ZNF407: variants seen among roughly 807,000 people sequenced by gnomAD.
ZNF407 encodes zinc finger protein 407.
Under a neutral mutation model 131.2 loss-of-function variants are expected in ZNF407, and 17 were observed. The ratio of observed to expected loss-of-function variants is 0.13; its 90% CI spans 0.09 to 0.19. The LOEUF is 0.19. ZNF407 is among the 10% of genes least tolerant of loss of function. The pLI is 1.00. For synonymous variants in ZNF407, 1,156 were observed against 1,062.0 expected (o/e 1.09, Z -1.72); for missense variants, 2,681 against 2,830.6 (o/e 0.95, Z 1.20).
intron 8 of ZNF407, among the ~76,000 whole-genome samples, chr18:75,028,161 G>A (rs960201284): frequency 6.6e-6 from 1 of 152,212 alleles, no homozygotes; most frequent in Non-Finnish European, 1.5e-5. Flanking sequence ...AATTCTTAGG[G>A]CAGGGCCCTG....
At chr18:74,822,451 A>T (rs1443532204) in intron 4 of ZNF407, among the ~76,000 whole-genome samples, 2 of 152,178 alleles carry the variant, frequency 1.3e-5, no homozygotes, top group Non-Finnish European at 2.9e-5. Flanking sequence ...ATAATGTGTA[A>T]GGAAGGGGTC....
intron 4 of ZNF407, among the ~76,000 whole-genome samples, chr18:74,803,577 G>A (rs1361747110): frequency 1.3e-5 from 2 of 152,118 alleles, no homozygotes; most frequent in East Asian, 3.9e-4. Flanking sequence ...ATTTTAAGTT[G>A]ATTTTCTGCA....
At chr18:75,058,643 G>A (rs1185445726) in intron 8 of ZNF407, among the ~76,000 whole-genome samples, 1 of 152,180 alleles carries the variant, frequency 6.6e-6, no homozygotes, top group Non-Finnish European at 1.5e-5. Flanking sequence ...CAGTGACTAA[G>A]CAGTGAAGGA....
intron 8 of ZNF407, among the ~76,000 whole-genome samples, chr18:74,996,241 C>CA (rs1345818694): frequency 6.6e-6 from 1 of 151,634 alleles, no homozygotes; most frequent in East Asian, 1.9e-4. Flanking sequence ...CTTAGTTTTT[C>CA]ACAGCGGTGG....
At chr18:74,909,500 C>T (rs1971640415) in intron 7 of ZNF407, among the ~76,000 whole-genome samples, 4 of 152,004 alleles carry the variant, frequency 2.6e-5, no homozygotes, top group South Asian at 4.1e-4. Flanking sequence ...CAAAACTAAG[C>T]GTATTTCTTT....
intron 4 of ZNF407, among the ~76,000 whole-genome samples, chr18:74,821,612 A>G (rs890668146): frequency 2.6e-5 from 4 of 152,040 alleles, no homozygotes; most frequent in Admixed American, 6.6e-5. Flanking sequence ...ATCATTTTTT[A>G]TGGCTGCATA....
Position 75,064,935 on chromosome 18 carries a change from C to T in ZNF407, c.*467C>T, listed in dbSNP as rs2289609. Reference sequence around the variant, plus strand: ...TCAGCATGTAGCTGCCTTTCCATTTCATTCTCTACTGGGCTAAAAATTGCA... The same window carrying T: ...TCAGCATGTAGCTGCCTTTCCATTTTATTCTCTACTGGGCTAAAAATTGCA... On this transcript the variant is annotated 3_prime_UTR_variant, in exon 9 of 9. Coordinates refer to ENST00000299687, the MANE Select transcript of ZNF407 (RefSeq NM_017757.3). The T allele has an allele frequency of 0.11, 17,536 of 154,282 alleles. 1,057 individuals carry two copies. Among genetic ancestry groups the T allele is most frequent in the South Asian group, 0.18 (859 of 4,834 alleles). 9.6% of individuals were successfully genotyped at this position (154,282 alleles called of 1,614,324 possible). A position where few individuals can be genotyped will look rare whatever the true frequency, so the allele number is the denominator to read the frequency against.
At chr18:74,610,081 G>A (rs1982987974) in intron 1 of ZNF407, among the ~76,000 whole-genome samples, 2 of 152,104 alleles carry the variant, frequency 1.3e-5, no homozygotes. Context: ...AAGCTTCTTG[G>A]AGGCAGGGAA....
chr18:74,921,432 A>G (rs557574053), intron 8 of ZNF407, among the ~76,000 whole-genome samples: 3 of 152,318 alleles, frequency 2.0e-5, no homozygotes, highest in Admixed American at 6.5e-5. Flanking sequence ...TGAGGAGTAA[A>G]TTTAGAGAAG....
At chr18:74,995,086 T>C (rs1285804638) in intron 8 of ZNF407, among the ~76,000 whole-genome samples, 1 of 152,180 alleles carries the variant, frequency 6.6e-6, no homozygotes, top group Non-Finnish European at 1.5e-5. Context: ...TTTGACACCC[T>C]GAAATGACTC....
At chr18:74,732,331 C>T (rs1420300522) in intron 3 of ZNF407, among the ~76,000 whole-genome samples, 14 of 152,122 alleles carry the variant, frequency 9.2e-5, no homozygotes. Context: ...TACAAGTACT[C>T]CTGAAAGCCC....
At chr18:74,929,717 T>A (rs1971959932) in intron 8 of ZNF407, among the ~76,000 whole-genome samples, 1 of 152,176 alleles carries the variant, frequency 6.6e-6, no homozygotes, top group Non-Finnish European at 1.5e-5. Flanking sequence ...TGAAGCCGTT[T>A]ACTAAAGAAT....
At chr18:74,831,641 A>G (rs1970484913) in intron 4 of ZNF407, among the ~76,000 whole-genome samples, 1 of 152,140 alleles carries the variant, frequency 6.6e-6, no homozygotes, top group Admixed American at 6.5e-5. Flanking sequence ...TGTAAATACC[A>G]CATTTTCTTT....
intron 4 of ZNF407, among the ~76,000 whole-genome samples, chr18:74,844,331 A>G (rs933012181): frequency 6.6e-6 from 1 of 152,214 alleles, no homozygotes; most frequent in Non-Finnish European, 1.5e-5. Flanking sequence ...TGCCTGTGTC[A>G]TAGCATTTCT....
chr18:74,651,818 T>G (rs1181962414), intron 3 of ZNF407, among the ~76,000 whole-genome samples: 2 of 152,178 alleles, frequency 1.3e-5, no homozygotes, highest in Non-Finnish European at 2.9e-5. Flanking sequence ...TGACAGTTCA[T>G]GATTTAATTG....
chr18:74,921,873 A>G (rs1471717741), intron 8 of ZNF407, among the ~76,000 whole-genome samples: 2 of 152,242 alleles, frequency 1.3e-5, no homozygotes, highest in Non-Finnish European at 2.9e-5. Flanking sequence ...TGTTCGCAAA[A>G]TATCTATGTT....
rs571567887 is a variant in ZNF407 at position 74,630,886 on chromosome 18, A to G, written c.-53-81A>G. 7 of 1,112,322 alleles carry G rather than the reference A, an allele frequency of 6.3e-6. No homozygotes were observed. The East Asian group carries it at 1.8e-4, about 29-fold the overall frequency. The allele number at this position is 1,112,322 out of a possible 1,614,324, so 68.9% of individuals were successfully genotyped here. A position where few individuals can be genotyped will look rare whatever the true frequency, so the allele number is the denominator to read the frequency against. Reference sequence around the variant, plus strand: ...AGGGTGTTTCATTGGGGCTAACTTCATGATACTTTTTCATCTAGTTTTAGA... The same window carrying G: ...AGGGTGTTTCATTGGGGCTAACTTCGTGATACTTTTTCATCTAGTTTTAGA... On this transcript the variant is annotated intron_variant, in intron 1 of 8. Transcript: ENST00000299687.
intron 1 of ZNF407, among the ~76,000 whole-genome samples, chr18:74,604,361 T>C (rs984870570): frequency 5.4e-5 from 6 of 110,904 alleles, no homozygotes; most frequent in African/African-American, 1.6e-4. Context: ...GCTTGTCTGC[T>C]ATGTCCACCA....
In ZNF407 at chr18:75,063,831, C is replaced by T; in HGVS notation, c.6110C>T (p.Ala2037Val). ...EVSHVAADPE[A>V]PEIQMFPQAQ... Reference sequence around the variant, plus strand: ...TCCCATGTGGCTGCCGACCCCGAGGCCCCCGAGATCCAGATGTTCCCACAG... The same window carrying T: ...TCCCATGTGGCTGCCGACCCCGAGGTCCCCGAGATCCAGATGTTCCCACAG... Residue 2037 changes from alanine to valine, a missense_variant, in exon 9 of 9, where the codon GCC (alanine) becomes GTC (valine). Ala to Val is a moderately conservative substitution (Grantham distance 64, BLOSUM62 0). This residue lies in a region of ZNF407 where 620 missense variants were observed against 583.1 expected (regional missense o/e 1.06). Coordinates refer to ENST00000299687, the MANE Select transcript of ZNF407 (RefSeq NM_017757.3). This position sits in a 1 kb window ranked among gnomAD's most constrained non-coding sequence, Gnocchi z 6.6. 2 of 1,607,376 alleles carry T rather than the reference C, an allele frequency of 1.2e-6. No individual in the cohort carries two copies. The highest frequency in any genetic ancestry group is 1.3e-5 in the African/African-American group (1 of 74,994).
Sources: gnomAD v4.1 joint callset for allele counts (sites outside exome capture counted in the v4.1 genomes callset) on GRCh38, gnomAD v4.1.1 for gene constraint, gnomAD v4.1.1 regional missense constraint, Gnocchi (gnomAD v3.1) non-coding constraint, MANE v1.5 for transcripts, NCBI Gene and HGNC (gene_info 2026-07-23, HGNC 2026-07-21) for gene names.